MKLN1: variants seen among roughly 807,000 people sequenced by gnomAD.
MKLN1 encodes muskelin.
In MKLN1, 18 loss-of-function variants were observed where a neutral mutation model predicts 99.0. The ratio of observed to expected loss-of-function variants is 0.18; its 90% CI spans 0.13 to 0.27. The LOEUF (loss-of-function observed/expected upper bound fraction) is 0.27, where lower values mean the gene tolerates loss of function less well. Ranked by LOEUF, MKLN1 falls within the 10% of genes least tolerant of loss-of-function variation. The pLI is 1.00. For missense variants in MKLN1, 621 were observed against 875.9 expected, an observed-to-expected ratio of 0.71 and a Z score of 3.67; for synonymous variants, 288 against 293.2, an observed-to-expected ratio of 0.98 and a Z score of 0.18.
intron 3 of MKLN1, among the ~76,000 whole-genome samples, chr7:131,291,134 T>TTTATTTAC (rs1798210280): frequency 1.3e-5 from 2 of 150,208 alleles, no homozygotes; most frequent in Non-Finnish European, 3.0e-5. Context: ...TATTTATTTA[T>TTTATTTAC]TTATTTATTT....
intron 1 of MKLN1, among the ~76,000 whole-genome samples, chr7:131,131,745 G>A (rs539814777): frequency 3.3e-5 from 5 of 152,268 alleles, no homozygotes; most frequent in East Asian, 1.9e-4. Context: ...AAAGAAAGAT[G>A]TATTAATCTT....
At chr7:131,274,643 CAAAA>C (rs10708074) in intron 3 of MKLN1, among the ~76,000 whole-genome samples, 5 of 91,662 alleles carry the variant, frequency 5.5e-5, no homozygotes, top group African/African-American at 7.8e-5. Context: ...GACCCTGTCT[CAAAA>C]AAAAAAAAAA....
At chr7:131,275,546 TA>T (rs1797950089) in intron 3 of MKLN1, among the ~76,000 whole-genome samples, 6 of 19,696 alleles carry the variant, frequency 3.0e-4, no homozygotes, top group African/African-American at 9.3e-4. Context: ...TATATATATA[TA>T]TATATATATA....
chr7:131,233,085 A>T (rs1201846759), intron 3 of MKLN1, among the ~76,000 whole-genome samples: 2 of 152,156 alleles, frequency 1.3e-5, no homozygotes, highest in Non-Finnish European at 2.9e-5. Flanking sequence ...CTTGCCTGTA[A>T]TCTCAGCACT....
intron 3 of MKLN1, among the ~76,000 whole-genome samples, chr7:131,288,713 C>CT (rs1011603199): frequency 6.6e-6 from 1 of 152,124 alleles, no homozygotes; most frequent in Non-Finnish European, 1.5e-5. Context: ...GCTTTGCACT[C>CT]TAATTATCTG....
chr7:131,271,602 G>T (rs1300821782), intron 3 of MKLN1, among the ~76,000 whole-genome samples: 1 of 144,842 alleles, frequency 6.9e-6, no homozygotes, highest in East Asian at 2.1e-4. Context: ...GGGCGACAGA[G>T]TGAGACTCCG....
In MKLN1 at chr7:131,132,981, A is replaced by AAGAAAGAAAGAC. The variant is rs200629849; in HGVS notation, c.-418-9838_-418-9837insGAAAGAAAGACA. ...AAAGAAAGAAAGAAAGAAAGAAAGA[A>AAGAAAGAAAGAC]AAACCAGAGCATGACTGTGCCTTGC... On this transcript the variant is annotated intron_variant, in intron 1 of 7. Transcript: ENST00000416992. Among the ~76,000 whole-genome samples, 216 of 143,820 alleles carry AAGAAAGAAAGAC rather than the reference A, an allele frequency of 1.5e-3. 2 individuals are homozygous for AAGAAAGAAAGAC. Among genetic ancestry groups the AAGAAAGAAAGAC allele is most frequent in the African/African-American group, 4.3e-3 (165 of 38,188 alleles). The allele number at this position is 143,820 out of a possible 152,430, so 94.4% of individuals were successfully genotyped here.
At chr7:131,377,547 TTGA>T (rs1460728261) in intron 2 of MKLN1, among the ~76,000 whole-genome samples, 1 of 152,184 alleles carries the variant, frequency 6.6e-6, no homozygotes, top group Non-Finnish European at 1.5e-5. Context: ...TGTTTTTCAT[TTGA>T]TTATTTTTAT....
At chr7:131,315,897 CAG>C (rs1391558871) in intron 3 of MKLN1, among the ~76,000 whole-genome samples, 1 of 152,190 alleles carries the variant, frequency 6.6e-6, no homozygotes, top group Non-Finnish European at 1.5e-5. Context: ...CAGCCCCAGT[CAG>C]GGGCTTACAG....
Position 131,488,247 on chromosome 7 carries a change from A to G in MKLN1, c.*519A>G, listed in dbSNP as rs1797339279. ...TTTACTTCATTCTTAACAAGTGTAT[A>G]GTTCTCTAGGACAGTTGATGTATGT... On this transcript the variant is annotated 3_prime_UTR_variant, in exon 18 of 18. Transcript: ENST00000352689. 1 of 152,044 alleles carries G rather than the reference A, an allele frequency of 6.6e-6. No homozygotes were observed. The highest frequency in any genetic ancestry group is 1.5e-5 in the Non-Finnish European group (1 of 68,032). 9.4% of individuals were successfully genotyped at this position (152,044 alleles called of 1,614,324 possible).
intron 2 of MKLN1, among the ~76,000 whole-genome samples, chr7:131,375,900 C>T (rs1171063346): frequency 1.3e-5 from 2 of 149,862 alleles, no homozygotes; most frequent in Non-Finnish European, 3.0e-5. Context: ...TGCTAAATTT[C>T]TTTTCCCTGG....
At chr7:131,263,545 G>GT (rs1190723692) in intron 3 of MKLN1, among the ~76,000 whole-genome samples, 3 of 149,952 alleles carry the variant, frequency 2.0e-5, no homozygotes, top group African/African-American at 7.4e-5. Flanking sequence ...TATATAATAA[G>GT]TTTCTTAAAA....
chr7:131,395,514 G>C (rs1375994802), intron 4 of MKLN1, among the ~76,000 whole-genome samples: 1 of 130,290 alleles, frequency 7.7e-6, no homozygotes, highest in East Asian at 2.2e-4. Flanking sequence ...CCAGTGTATG[G>C]TGGTGAGGCA....
At chr7:131,262,582 G>T (rs1486857393) in intron 3 of MKLN1, among the ~76,000 whole-genome samples, 1 of 149,718 alleles carries the variant, frequency 6.7e-6, no homozygotes, top group Admixed American at 6.7e-5. Context: ...ATAGAGTCCC[G>T]CTCTGTGGCC....
intron 1 of MKLN1, among the ~76,000 whole-genome samples, chr7:131,121,405 A>G (rs1440181530): frequency 6.6e-6 from 1 of 152,044 alleles, no homozygotes; most frequent in Non-Finnish European, 1.5e-5. Context: ...CCAAGAACCA[A>G]CTAAATTCCT....
At chr7:131,120,350 C>A (rs940567598) in intron 1 of MKLN1, among the ~76,000 whole-genome samples, 5 of 150,532 alleles carry the variant, frequency 3.3e-5, no homozygotes, top group African/African-American at 1.2e-4. Context: ...AACGGTGAAA[C>A]CCCATCTCTA....
chr7:131,321,125 T>C (rs1439001131), intron 3 of MKLN1, among the ~76,000 whole-genome samples: 3 of 152,208 alleles, frequency 2.0e-5, no homozygotes, highest in Non-Finnish European at 1.5e-5. Context: ...TAAAGACACA[T>C]GCACATGTGT....
rs551521934 is a variant in MKLN1 at position 131,249,852 on chromosome 7, A to T, written c.-179+46878A>T. 2.5e-4 allele frequency among the ~76,000 whole-genome samples: 38 copies of T among 152,276 alleles called. No individual in the cohort carries two copies. The South Asian group carries it at 5.0e-3, about 20-fold the overall frequency. On this transcript the variant is annotated intron_variant, in intron 3 of 7. Transcript: ENST00000416992. ...GCTGCTGGAGAGGGGAGCATGGCTC[A>T]GATTATAAGTGTCCTCTTGCCCGTC...
intron 11 of MKLN1, among the ~76,000 whole-genome samples, chr7:131,444,817 T>A (rs368187426): frequency 2.1e-3 from 229 of 111,224 alleles, no homozygotes; most frequent in African/African-American, 4.4e-3. Flanking sequence ...GTAGTAGTAG[T>A]AGTAGAAGTG....
Sources: allele counts gnomAD v4.1 joint callset (sites outside exome capture counted in the v4.1 genomes callset), GRCh38; gene constraint gnomAD v4.1.1; transcripts MANE v1.5; gene names NCBI Gene and HGNC (gene_info 2026-07-23, HGNC 2026-07-21).